AKR1C8: variants seen among roughly 807,000 people sequenced by gnomAD.
The protein encoded by AKR1C8 is aldo-keto reductase family 1 member C8, also known as aldo-keto reductase family 1 member C-like protein 1.
the AKR1C8 span, chr10:5,161,847 A>G: frequency 1.9e-6 from 1 of 534,574 alleles, no homozygotes; most frequent in African/African-American, 1.9e-5. Context: ...AGGAAAAACA[A>G]AAGCTGACCT....
At chr10:5,165,908 ACTC>A in the AKR1C8 span, among the ~76,000 whole-genome samples, 1 of 151,936 alleles carries the variant, frequency 6.6e-6, no homozygotes, top group African/African-American at 2.4e-5. Context: ...GAACATGACT[ACTC>A]CTAACGACTA....
At chr10:5,120,804 T>C in the AKR1C8 span, among the ~76,000 whole-genome samples, 2 of 152,186 alleles carry the variant, frequency 1.3e-5, no homozygotes, top group Non-Finnish European at 2.9e-5. Context: ...ATTAAAATTT[T>C]TTCCCTATTT....
the AKR1C8 span, among the ~76,000 whole-genome samples, chr10:5,134,111 T>C: frequency 3.9e-5 from 6 of 152,176 alleles, no homozygotes; most frequent in African/African-American, 1.4e-4. Context: ...TCAGAAGCTT[T>C]CTATTTTCAA....
the AKR1C8 span, among the ~76,000 whole-genome samples, chr10:5,171,365 T>TATA: frequency 6.6e-6 from 1 of 152,062 alleles, no homozygotes; most frequent in African/African-American, 2.4e-5. Flanking sequence ...ACATAACAAT[T>TATA]ATAATTATTA....
the AKR1C8 span, among the ~76,000 whole-genome samples, chr10:5,136,491 G>A: frequency 1.3e-5 from 2 of 152,118 alleles, no homozygotes; most frequent in African/African-American, 2.4e-5. Flanking sequence ...AGGCTACAGT[G>A]AGCCAAGGTC....
the AKR1C8 span, among the ~76,000 whole-genome samples, chr10:5,168,826 T>C: frequency 2.6e-5 from 4 of 152,042 alleles, no homozygotes; most frequent in East Asian, 3.9e-4. Context: ...AGTGATCCCA[T>C]AGAGGTGTGA....
At chr10:5,177,534 G>T in the AKR1C8 span, among the ~76,000 whole-genome samples, 1 of 152,122 alleles carries the variant, frequency 6.6e-6, no homozygotes, top group South Asian at 2.1e-4. Context: ...CTATTGATTG[G>T]AATAGTTTCA....
At chr10:5,151,558 T>G in the AKR1C8 span, among the ~76,000 whole-genome samples, 1 of 25,084 alleles carries the variant, frequency 4.0e-5, no homozygotes, top group African/African-American at 2.7e-4. Flanking sequence ...TCCCTTTGGG[T>G]TTTTTTTTTT....
the AKR1C8 span, among the ~76,000 whole-genome samples, chr10:5,177,411 G>A: frequency 6.6e-6 from 1 of 152,066 alleles, no homozygotes; most frequent in Non-Finnish European, 1.5e-5. Flanking sequence ...TTGCATCAAT[G>A]TTCATCAAGG....
the AKR1C8 span, among the ~76,000 whole-genome samples, chr10:5,133,398 A>G: frequency 2.0e-5 from 3 of 152,228 alleles, no homozygotes; most frequent in African/African-American, 7.2e-5. Context: ...AAGCCTCCTA[A>G]TTATTTTTAA....
chr10:5,127,327 A>T, the AKR1C8 span, among the ~76,000 whole-genome samples: 59,579 of 151,942 alleles, frequency 0.39, 12,487 homozygotes, highest in Non-Finnish European at 0.43. Context: ...GGAAATACAA[A>T]ATGCAGTGGA....
chr10:5,158,451 G>C, the AKR1C8 span: 1 of 357,210 alleles, frequency 2.8e-6, no homozygotes, highest in Non-Finnish European at 5.6e-6. Flanking sequence ...AAGCTCAGTA[G>C]TGATACATGG....
chr10:5,175,548 C>T, the AKR1C8 span, among the ~76,000 whole-genome samples: 184 of 152,288 alleles, frequency 1.2e-3, 1 homozygote, highest in African/African-American at 4.3e-3. Context: ...GAGGAATCGC[C>T]ACACTGACTT....
chr10:5,124,457 T>C, the AKR1C8 span, among the ~76,000 whole-genome samples: 1 of 152,084 alleles, frequency 6.6e-6, no homozygotes, highest in South Asian at 2.1e-4. Flanking sequence ...ATTTCTTTTC[T>C]TGACTTGGTG....
chr10:5,149,491 C>T, the AKR1C8 span, among the ~76,000 whole-genome samples: 1 of 152,098 alleles, frequency 6.6e-6, no homozygotes, highest in Non-Finnish European at 1.5e-5. Flanking sequence ...AAAAATGTAT[C>T]TGTGCCTTCA....
chr10:5,150,139 TTTC>T, the AKR1C8 span, among the ~76,000 whole-genome samples: 1 of 152,184 alleles, frequency 6.6e-6, no homozygotes, highest in Non-Finnish European at 1.5e-5. Context: ...TCCAGGATGT[TTTC>T]TTTAGTCCAA....
chr10:5,155,101 G>A, the AKR1C8 span: 9 of 152,162 alleles, frequency 5.9e-5, no homozygotes, highest in Admixed American at 5.9e-4. Context: ...AGAGGGCCAA[G>A]AAAGACATAA....
the AKR1C8 span, among the ~76,000 whole-genome samples, chr10:5,157,096 A>G: frequency 6.6e-6 from 1 of 152,200 alleles, no homozygotes. Flanking sequence ...GTAATAAAAG[A>G]TAATCCAGAA....
At chr10:5,143,332 C>T in the AKR1C8 span, among the ~76,000 whole-genome samples, 1 of 152,192 alleles carries the variant, frequency 6.6e-6, no homozygotes, top group South Asian at 2.1e-4. Flanking sequence ...GCCTTCTACC[C>T]CTGGACGTCA....
Sources: allele counts gnomAD v4.1 joint callset (sites outside exome capture counted in the v4.1 genomes callset), GRCh38; gene constraint gnomAD v4.1.1; transcripts MANE v1.5; gene names NCBI Gene and HGNC (gene_info 2026-07-23, HGNC 2026-07-21).